SCN1A: variants seen among roughly 807,000 people sequenced by gnomAD.
SCN1A encodes sodium channel protein type 1 subunit alpha.
In SCN1A, 13 loss-of-function variants were observed where a neutral mutation model predicts 193.7. The ratio of observed to expected loss-of-function variants is 0.07; its 90% confidence interval spans 0.04 to 0.11. The LOEUF is 0.11. Ranked by LOEUF, SCN1A falls within the 10% of genes least tolerant of loss-of-function variation. The probability of loss-of-function intolerance (pLI) is 1.00; values close to 1 mark genes in which losing one functional copy is unlikely to be tolerated. For synonymous variants in SCN1A, 781 were observed against 843.6 expected (o/e 0.93, Z 1.29); for missense variants, 1,432 against 2,451.1 (o/e 0.58, Z 8.78).
At chr2:165,996,196 G>A (rs942691409) in intron 26 of SCN1A, 79 bp from the exon 27 acceptor site, 6 of 861,866 alleles carry the variant, frequency 7.0e-6, no homozygotes, top group East Asian at 2.5e-5. Context: ...GAAAATGGAT[G>A]GCTAAAAAAA....
At chr2:166,146,925 T>C (rs890326899) in intron 1 of SCN1A, among the ~76,000 whole-genome samples, 1 of 152,194 alleles carries the variant, frequency 6.6e-6, no homozygotes, top group African/African-American at 2.4e-5. Flanking sequence ...AAGATGAACA[T>C]AGAAAATTTA....
At position 166,013,858 on chromosome 2, in the gene SCN1A, T is replaced by C. The variant is rs371596040; in HGVS notation, c.3591A>G (p.Glu1197=). ...TCCACCATTGTTTTCCTCTGCCTTC[T>C]TCCACATTGATTTGACAACACTTGA... ...QRFKCCQINV[E]EGRGKQWWNL... The change falls in exon 21 of 29, where the codon GAA becomes GAG. Residue 1197 remains glutamate, a synonymous_variant. Coordinates refer to ENST00000674923, the MANE Select transcript of SCN1A (RefSeq NM_001165963.4). 32 of 1,612,356 alleles carry C rather than the reference T, an allele frequency of 2.0e-5. No individual in the cohort carries two copies. The African/African-American group carries it at 3.6e-4, about 18-fold the overall frequency.
chr2:166,086,422 G>A (rs537896611), intron 2 of SCN1A, among the ~76,000 whole-genome samples: 47 of 152,186 alleles, frequency 3.1e-4, no homozygotes, highest in South Asian at 1.9e-3. Flanking sequence ...TGCTAATGTC[G>A]CCATTTTTTC....
At position 166,051,824 on chromosome 2, in the gene SCN1A, A is replaced by C. The variant is rs138357595; in HGVS notation, c.859T>G (p.Leu287Val). 8 of 1,612,484 alleles carry C rather than the reference A, an allele frequency of 5.0e-6. 1 individual carries two copies. In the African/African-American group the frequency reaches 1.1e-4, roughly 22 times the overall value. The change falls in exon 9 of 29, where the codon TTG (leucine) becomes GTG (valine). Residue 287 changes from leucine to valine, a missense_variant. Leu to Val is a conservative substitution (Grantham distance 32). Transcript: ENST00000674923. ...TTCTTTTCTATACTATGTTCCTCCA[A>C]GGAAGCATTGGTGGGAGGCCATTGT... The part of the protein sequence containing the change: ...CIQWPPTNAS[L>V]EEHSIEKNIT...
intron 2 of SCN1A, among the ~76,000 whole-genome samples, chr2:166,120,940 T>C (rs1488209642): frequency 2.0e-5 from 3 of 151,666 alleles, no homozygotes; most frequent in Admixed American, 2.0e-4. Flanking sequence ...ATCTCTCCAA[T>C]TTTGTTTGGG....
At chr2:166,055,972 T>C (rs1430441266) in intron 6 of SCN1A, among the ~76,000 whole-genome samples, 7 of 152,084 alleles carry the variant, frequency 4.6e-5, no homozygotes, top group African/African-American at 9.7e-5. Flanking sequence ...TGGCCTGACA[T>C]GAAGTGAATG....
chr2:166,073,108 G>A (rs924401886), intron 4 of SCN1A, among the ~76,000 whole-genome samples: 29 of 152,036 alleles, frequency 1.9e-4, no homozygotes, highest in Admixed American at 1.3e-3. Flanking sequence ...AAAGTGCTGG[G>A]ATTACAGGCT....
chr2:166,119,731 A>G (rs565723804), intron 2 of SCN1A, among the ~76,000 whole-genome samples: 1 of 152,276 alleles, frequency 6.6e-6, no homozygotes, highest in Non-Finnish European at 1.5e-5. Context: ...CTTTTATTAT[A>G]CAAGGTTTGT....
At chr2:166,039,346 A>C in intron 17 of SCN1A, 77 bp downstream of exon 17, 1 of 1,467,938 alleles carries the variant, frequency 6.8e-7, no homozygotes, top group Non-Finnish European at 9.4e-7. Context: ...GTGGCAAAAA[A>C]ACTATGACAT....
At chr2:166,141,321 A>AG (rs1692072934) in intron 1 of SCN1A, among the ~76,000 whole-genome samples, 1 of 108,962 alleles carries the variant, frequency 9.2e-6, no homozygotes. Context: ...TTTTTTTTTT[A>AG]TCTTCTTTAG....
At chr2:166,116,539 A>G (rs1689881883) in intron 2 of SCN1A, among the ~76,000 whole-genome samples, 1 of 152,066 alleles carries the variant, frequency 6.6e-6, no homozygotes, top group South Asian at 2.1e-4. Context: ...ATACAGTGCA[A>G]CAAACTTAAT....
chr2:166,110,179 A>T (rs557945239), intron 2 of SCN1A, among the ~76,000 whole-genome samples: 95 of 147,432 alleles, frequency 6.4e-4, no homozygotes, highest in South Asian at 2.1e-3. Context: ...AATAAAAAAA[A>T]TTTTTTTTTA....
At position 166,026,685 on chromosome 2, in the gene SCN1A, T is replaced by C. The variant is rs997005911; in HGVS notation, c.3429+9363A>G. 7.6e-5 allele frequency among the ~76,000 whole-genome samples: 10 copies of C among 131,686 alleles called. No homozygotes were observed. The East Asian group carries it at 1.6e-3, about 21-fold the overall frequency. The allele number at this position is 131,686 out of a possible 152,430, so 86.4% of individuals were successfully genotyped here. On this transcript the variant is annotated intron_variant, in intron 19 of 28. Transcript: ENST00000674923. Reference sequence around the variant, plus strand: ...TATTTCTCTTTCTTTCTTTCTTTTTTTTTTTTTTTTTTTTTTGAGACTGAG... The same window carrying C: ...TATTTCTCTTTCTTTCTTTCTTTTTCTTTTTTTTTTTTTTTTGAGACTGAG...
Position 166,051,810 on chromosome 2 carries a change from A to T in SCN1A, c.873T>A (p.Ser291Arg), listed in dbSNP as rs1007259779. 5 of 1,611,992 alleles carry T rather than the reference A, an allele frequency of 3.1e-6. No individual in the cohort carries two copies. Among genetic ancestry groups the T allele is most frequent in the Non-Finnish European group, 4.2e-6 (5 of 1,178,658 alleles). Residue 291 changes from serine (S) to arginine (R), a missense_variant, in exon 9 of 29, where the codon AGT (serine) becomes AGA (arginine). Transcript: ENST00000674923. ...PPTNASLEEH[S>R]IEKNITVNYN... The stretch of plus-strand genomic sequence containing the variant: ...AATTCACAGTTATATTCTTTTCTAT[A>T]CTATGTTCCTCCAAGGAAGCATTGG...
chr2:166,124,033 T>A (rs1245051701), intron 2 of SCN1A, among the ~76,000 whole-genome samples: 2 of 152,210 alleles, frequency 1.3e-5, no homozygotes. Context: ...TCTGTTTGCA[T>A]GCCCCTCTCA....
chr2:165,994,092 G>T, intron 28 of SCN1A, 54 bp downstream of exon 28: 1 of 1,337,482 alleles, frequency 7.5e-7, no homozygotes, highest in Non-Finnish European at 1.1e-6. Flanking sequence ...AATCTTGATT[G>T]TTTCAGCTTT....
At chr2:166,131,142 T>A (rs1233584784), upstream of SCN1A, among the ~76,000 whole-genome samples, 4 of 152,148 alleles carry the variant, frequency 2.6e-5, no homozygotes, top group Non-Finnish European at 5.9e-5. Flanking sequence ...CTTCAAAAAA[T>A]GAAAAACTAA....
upstream of SCN1A, among the ~76,000 whole-genome samples, chr2:166,132,942 AT>A (rs56945593): frequency 0.24 from 36,835 of 151,608 alleles, 4,568 homozygotes; most frequent in Non-Finnish European, 0.26. Flanking sequence ...AAATAATTGA[AT>A]TTTTTTTTCT....
chr2:166,009,587 G>A (rs1692134081), intron 23 of SCN1A, 132 bp downstream of exon 23: 1 of 731,780 alleles, frequency 1.4e-6, no homozygotes, highest in African/African-American at 1.8e-5. Context: ...ATATGCAACA[G>A]ATAAAACAAT....
Sources: allele counts gnomAD v4.1 joint callset (sites outside exome capture counted in the v4.1 genomes callset), GRCh38; gene constraint gnomAD v4.1.1; transcripts MANE v1.5; gene names NCBI Gene and HGNC (gene_info 2026-07-23, HGNC 2026-07-21).